Variants in KCNK9 observed in about 807,000 individuals in gnomAD.
KCNK9 encodes potassium channel subfamily K member 9.
Under a neutral mutation model 10.8 loss-of-function variants are expected in KCNK9, and 1 was observed. The observed-to-expected ratio is 0.09, with a 90% CI of 0.03 to 0.44. KCNK9 has a LOEUF of 0.44. KCNK9 is among the 20% of genes least tolerant of loss of function. The pLI, the probability that KCNK9 is intolerant of heterozygous loss-of-function variation, is 0.97. For synonymous variants in KCNK9, 231 were observed against 222.7 expected, an observed-to-expected ratio of 1.04 and a Z score of -0.33; for missense variants, 303 against 515.0, an observed-to-expected ratio of 0.59 and a Z score of 3.98.
chr8:139,672,978 GA>G (rs1816468767), intron 1 of KCNK9, among the ~76,000 whole-genome samples: 2 of 152,230 alleles, frequency 1.3e-5, no homozygotes, highest in Admixed American at 1.3e-4. Flanking sequence ...GGAAGGACAA[GA>G]AGGCGAGAGG....
intron 1 of KCNK9, among the ~76,000 whole-genome samples, chr8:139,679,108 C>T (rs1816627049): frequency 2.0e-5 from 3 of 152,228 alleles, no homozygotes; most frequent in Admixed American, 2.0e-4. Flanking sequence ...TCCCTTCTTC[C>T]TCACTAAGAG....
chr8:139,686,602 T>C (rs915528720), intron 1 of KCNK9, among the ~76,000 whole-genome samples: 2 of 152,222 alleles, frequency 1.3e-5, no homozygotes, highest in Non-Finnish European at 2.9e-5. Flanking sequence ...GTTGTTATCA[T>C]CCTCATTTCA....
chr8:139,628,082 G>A (rs1003805600), intron 1 of KCNK9, among the ~76,000 whole-genome samples: 5 of 152,250 alleles, frequency 3.3e-5, no homozygotes, highest in East Asian at 1.9e-4. Flanking sequence ...TGTCTCAAAC[G>A]GAGGCCACAC....
intron 1 of KCNK9, among the ~76,000 whole-genome samples, chr8:139,684,896 G>T (rs1816757485): frequency 6.6e-6 from 1 of 152,080 alleles, no homozygotes; most frequent in Non-Finnish European, 1.5e-5. Flanking sequence ...AAATGATGAT[G>T]CTAAGAACTA....
At chr8:139,645,387 C>T (rs1815645218) in intron 1 of KCNK9, among the ~76,000 whole-genome samples, 1 of 152,084 alleles carries the variant, frequency 6.6e-6, no homozygotes, top group Admixed American at 6.5e-5. Flanking sequence ...TGCCCACCTG[C>T]CCTCAGCATG....
chr8:139,626,616 G>A (rs1814985944), intron 1 of KCNK9, among the ~76,000 whole-genome samples: 1 of 152,180 alleles, frequency 6.6e-6, no homozygotes. Flanking sequence ...GGCTATTCCA[G>A]GAGCTGGAGC....
intron 1 of KCNK9, among the ~76,000 whole-genome samples, chr8:139,653,973 G>A (rs539991478): frequency 6.6e-6 from 1 of 152,204 alleles, no homozygotes; most frequent in Admixed American, 6.5e-5. Flanking sequence ...CCACCCAGGG[G>A]AAGTAGAGGC....
intron 1 of KCNK9, among the ~76,000 whole-genome samples, chr8:139,650,880 T>C (rs892373083): frequency 6.6e-6 from 1 of 152,160 alleles, no homozygotes; most frequent in African/African-American, 2.4e-5. Context: ...ACCAGCCCCT[T>C]GACACCCCCG....
At chr8:139,668,495 C>T (rs1382032209) in intron 1 of KCNK9, among the ~76,000 whole-genome samples, 1 of 149,906 alleles carries the variant, frequency 6.7e-6, no homozygotes, top group Non-Finnish European at 1.5e-5. Context: ...GATCTTGGCT[C>T]ACTGCAACCT....
At chr8:139,632,987 C>T (rs745404508) in intron 1 of KCNK9, among the ~76,000 whole-genome samples, 4 of 152,078 alleles carry the variant, frequency 2.6e-5, no homozygotes, top group Non-Finnish European at 5.9e-5. Flanking sequence ...AAGAACCCCT[C>T]GGTTTGGTGC....
At chr8:139,638,804 TC>T (rs1172031152) in intron 1 of KCNK9, among the ~76,000 whole-genome samples, 1 of 152,136 alleles carries the variant, frequency 6.6e-6, no homozygotes, top group Non-Finnish European at 1.5e-5. Context: ...GTCCCCAGGT[TC>T]CCCGGCCCAA....
At chr8:139,695,478 C>A (rs1469791467) in intron 1 of KCNK9, among the ~76,000 whole-genome samples, 2 of 152,232 alleles carry the variant, frequency 1.3e-5, no homozygotes, top group Non-Finnish European at 2.9e-5. Context: ...ACTCAGCCCT[C>A]CCTTTGGAGG....
chr8:139,603,979 G>A (rs936964905), intron 2 of KCNK9, among the ~76,000 whole-genome samples: 4 of 152,236 alleles, frequency 2.6e-5, no homozygotes, highest in Non-Finnish European at 5.9e-5. Flanking sequence ...TCATGAGTTG[G>A]ACGGTCCCAC....
chr8:139,637,653 C>CA (rs1363165299), intron 1 of KCNK9, among the ~76,000 whole-genome samples: 2 of 151,800 alleles, frequency 1.3e-5, no homozygotes, highest in African/African-American at 4.8e-5. Flanking sequence ...GTTTGTTATG[C>CA]AAAAAACCTT....
At chr8:139,609,667 G>A (rs368238279), downstream of KCNK9, among the ~76,000 whole-genome samples, 6 of 152,224 alleles carry the variant, frequency 3.9e-5, no homozygotes, top group African/African-American at 9.6e-5. Context: ...TGGTGAGGAC[G>A]GGAGGTGAGC....
At chr8:139,604,161 C>T (rs534563689) in intron 2 of KCNK9, among the ~76,000 whole-genome samples, 1 of 152,334 alleles carries the variant, frequency 6.6e-6, no homozygotes, top group Admixed American at 6.5e-5. Context: ...ACTCTGATTT[C>T]TTCCCATCAT....
chr8:139,613,050 T>C (rs1328034248), downstream of KCNK9, among the ~76,000 whole-genome samples: 1 of 152,194 alleles, frequency 6.6e-6, no homozygotes, highest in Non-Finnish European at 1.5e-5. Flanking sequence ...TTACATACAG[T>C]CTGTATCAGA....
intron 1 of KCNK9, among the ~76,000 whole-genome samples, chr8:139,649,671 C>T (rs1815798677): frequency 6.6e-6 from 1 of 152,232 alleles, no homozygotes; most frequent in Non-Finnish European, 1.5e-5. Context: ...TGCAAGACAA[C>T]AGGGTCTGGC....
intron 1 of KCNK9, among the ~76,000 whole-genome samples, chr8:139,681,047 C>T (rs1022643217): frequency 1.4e-4 from 22 of 152,216 alleles, no homozygotes; most frequent in Admixed American, 1.3e-3. Context: ...CAGCCTCTAG[C>T]ACAGCATCTA....
Sources: allele counts gnomAD v4.1 joint callset (sites outside exome capture counted in the v4.1 genomes callset), GRCh38; gene constraint gnomAD v4.1.1; transcripts MANE v1.5; gene names NCBI Gene and HGNC (gene_info 2026-07-23, HGNC 2026-07-21).